ASIC2: variants seen among roughly 807,000 people sequenced by gnomAD.
ASIC2 encodes acid sensing ion channel subunit 2, also known as acid-sensing ion channel 2.
In ASIC2, 25 loss-of-function variants were observed where a neutral mutation model predicts 57.3. That is an observed-to-expected ratio of 0.44 (90% CI 0.32 to 0.61). The LOEUF is 0.61. Ranked by LOEUF, ASIC2 falls within the 20% of genes least tolerant of loss-of-function variation. The pLI, the probability that ASIC2 is intolerant of heterozygous loss-of-function variation, is 0.06. For missense variants in ASIC2, 641 were observed against 738.1 expected, an observed-to-expected ratio of 0.87 and a Z score of 1.52; for synonymous variants, 319 against 307.5, an observed-to-expected ratio of 1.04 and a Z score of -0.39.
At chr17:33,734,109 A>G (rs2142092918) in intron 1 of ASIC2, among the ~76,000 whole-genome samples, 1 of 152,120 alleles carries the variant, frequency 6.6e-6, no homozygotes, top group East Asian at 1.9e-4. Context: ...CCCCTACCCC[A>G]CAGGCACAGC....
At chr17:33,909,731 T>C (rs79408421) in intron 1 of ASIC2, among the ~76,000 whole-genome samples, 2 of 152,264 alleles carry the variant, frequency 1.3e-5, no homozygotes, top group South Asian at 4.1e-4. Flanking sequence ...TAAGAGAATG[T>C]TGAAATGATC....
At chr17:33,925,387 T>C (rs1246586238) in intron 1 of ASIC2, among the ~76,000 whole-genome samples, 1 of 152,256 alleles carries the variant, frequency 6.6e-6, no homozygotes, top group Non-Finnish European at 1.5e-5. Flanking sequence ...AGCATTCAAA[T>C]GACCATTGAG....
chr17:33,218,651 CAT>C (rs1178270533), intron 1 of ASIC2, among the ~76,000 whole-genome samples: 10 of 152,168 alleles, frequency 6.6e-5, no homozygotes, highest in Admixed American at 2.0e-4. Flanking sequence ...GGAGCAGGAG[CAT>C]GACTCTATCC....
chr17:33,883,722 C>T (rs1261197895), intron 1 of ASIC2, among the ~76,000 whole-genome samples: 2 of 152,200 alleles, frequency 1.3e-5, no homozygotes, highest in Admixed American at 6.5e-5. Context: ...TTCCCTTCTC[C>T]CTGCCCCCTC....
Position 33,014,001 on chromosome 17 carries a change from C to T in ASIC2, c.1656G>A (p.Gln552=), listed in dbSNP as rs370827473. ...TISHTVNVPL[Q]TTLGTLEEIA... ...TCTCCTCCAAGGTCCCCAGGGTCGT[C>T]TGCAGGGGCACGTTCACAGTGTGAC... The change falls in exon 10 of 10, where the codon CAG becomes CAA. Residue 552 remains glutamine (Q), a synonymous_variant. Coordinates refer to ENST00000225823, the MANE Select transcript of ASIC2 (RefSeq NM_183377.2). 2.0e-5 allele frequency: 32 copies of T among 1,603,544 alleles called. No individual in the cohort carries two copies. The highest frequency in any genetic ancestry group is 2.3e-5 in the Non-Finnish European group (27 of 1,174,794).
chr17:34,117,882 G>A (rs956485036), intron 1 of ASIC2, among the ~76,000 whole-genome samples: 1 of 152,136 alleles, frequency 6.6e-6, no homozygotes, highest in African/African-American at 2.4e-5. Context: ...ATAACAGCAA[G>A]GAGCAAATCT....
intron 1 of ASIC2, among the ~76,000 whole-genome samples, chr17:33,729,652 C>T (rs1909677443): frequency 6.6e-6 from 1 of 152,180 alleles, no homozygotes; most frequent in South Asian, 2.1e-4. Context: ...ATTCCTTAAA[C>T]TGCTTTTGCT....
intron 1 of ASIC2, among the ~76,000 whole-genome samples, chr17:33,483,240 C>T (rs544042277): frequency 6.6e-6 from 1 of 152,230 alleles, no homozygotes; most frequent in Non-Finnish European, 1.5e-5. Flanking sequence ...GCAGTGTGGG[C>T]TCCATCAAGC....
intron 1 of ASIC2, among the ~76,000 whole-genome samples, chr17:33,540,689 AGGTTTCCCTACTTGAT>A (rs1915380584): frequency 6.6e-6 from 1 of 152,126 alleles, no homozygotes; most frequent in African/African-American, 2.4e-5. Flanking sequence ...GGGCGGGTAT[AGGTTTCCCTACTTGAT>A]GGTGCATTCA....
At chr17:34,149,542 C>T (rs527308847) in intron 1 of ASIC2, among the ~76,000 whole-genome samples, 1 of 152,208 alleles carries the variant, frequency 6.6e-6, no homozygotes, top group Non-Finnish European at 1.5e-5. Context: ...TTCAAACCCA[C>T]TTTACCCAAA....
At chr17:33,579,360 G>T (rs1002817155) in intron 1 of ASIC2, among the ~76,000 whole-genome samples, 2 of 151,388 alleles carry the variant, frequency 1.3e-5, no homozygotes, top group African/African-American at 2.4e-5. Context: ...GATGTGGCTT[G>T]GTATGTTTAC....
At chr17:33,639,585 G>C (rs1411593242) in intron 1 of ASIC2, among the ~76,000 whole-genome samples, 1 of 152,004 alleles carries the variant, frequency 6.6e-6, no homozygotes, top group African/African-American at 2.4e-5. Flanking sequence ...CTTGGGAGTG[G>C]GGCAGGAGCT....
intron 1 of ASIC2, among the ~76,000 whole-genome samples, chr17:33,895,939 T>C (rs1008743452): frequency 5.9e-5 from 9 of 152,180 alleles, no homozygotes; most frequent in African/African-American, 1.9e-4. Context: ...TGAGTCTCAG[T>C]TCCTTCATCT....
At position 33,215,282 on chromosome 17, in the gene ASIC2, T is replaced by C. The variant is rs945257549; in HGVS notation, c.708+76126A>G. Reference sequence around the variant, plus strand: ...CTGATTGGAAAACAGATGGCACCTATCAAATGCCTTAAAAATGTTCCTGTT... The same window carrying C: ...CTGATTGGAAAACAGATGGCACCTACCAAATGCCTTAAAAATGTTCCTGTT... On this transcript the variant is annotated intron_variant, in intron 1 of 9. Transcript: ENST00000225823. Among the ~76,000 whole-genome samples, 8 of 152,248 alleles carry C rather than the reference T, an allele frequency of 5.3e-5. No individual in the cohort carries two copies. The East Asian group carries it at 1.3e-3, about 26-fold the overall frequency.
intron 1 of ASIC2, among the ~76,000 whole-genome samples, chr17:33,672,546 G>T (rs1176146643): frequency 3.9e-5 from 6 of 152,162 alleles, no homozygotes; most frequent in African/African-American, 1.4e-4. Context: ...TTAGCCTGCT[G>T]TGGCTAAAGA....
At chr17:33,127,242 G>T (rs983140470) in intron 1 of ASIC2, among the ~76,000 whole-genome samples, 1 of 152,172 alleles carries the variant, frequency 6.6e-6, no homozygotes, top group Non-Finnish European at 1.5e-5. Flanking sequence ...CTCTCTCAAC[G>T]TCATGCAGCA....
chr17:33,055,056 T>C (rs1044805924), intron 3 of ASIC2, among the ~76,000 whole-genome samples: 1 of 152,178 alleles, frequency 6.6e-6, no homozygotes, highest in Non-Finnish European at 1.5e-5. Context: ...AGGGTTGACA[T>C]TGGGGTGGTT....
intron 1 of ASIC2, among the ~76,000 whole-genome samples, chr17:33,951,624 C>T (rs1045552136): frequency 6.6e-6 from 1 of 151,802 alleles, no homozygotes; most frequent in Non-Finnish European, 1.5e-5. Context: ...ACTCTGTCAC[C>T]CAGGCTGGAG....
chr17:33,066,689 G>A (rs1326960886), intron 3 of ASIC2, among the ~76,000 whole-genome samples: 4 of 152,130 alleles, frequency 2.6e-5, no homozygotes, highest in African/African-American at 7.2e-5. Flanking sequence ...ATCCACTGTT[G>A]GTTCAGGATA....
Sources: gnomAD v4.1 joint callset for allele counts (sites outside exome capture counted in the v4.1 genomes callset) on GRCh38, gnomAD v4.1.1 for gene constraint, MANE v1.5 for transcripts, NCBI Gene and HGNC (gene_info 2026-07-23, HGNC 2026-07-21) for gene names.